SLC10A7: variants seen among roughly 807,000 people sequenced by gnomAD.
SLC10A7 encodes solute carrier family 10 member 7.
Under a neutral mutation model 43.2 loss-of-function variants are expected in SLC10A7, and 29 were observed. The ratio of observed to expected loss-of-function variants is 0.67; its 90% CI spans 0.50 to 0.92. The LOEUF is 0.92. Ranked by LOEUF, SLC10A7 falls within the 40% of genes least tolerant of loss-of-function variation. The pLI is 0.00. For synonymous variants in SLC10A7, 152 were observed against 144.8 expected (o/e 1.05, Z -0.35); for missense variants, 295 against 403.2 (o/e 0.73, Z 2.30).
At chr4:146,414,487 G>A (rs1251844199) in intron 5 of SLC10A7, among the ~76,000 whole-genome samples, 1 of 152,150 alleles carries the variant, frequency 6.6e-6, no homozygotes, top group Non-Finnish European at 1.5e-5. Context: ...ACTTTGGGAA[G>A]CTGAGGTGAG....
chr4:146,425,874 A>G (rs1042275343), intron 5 of SLC10A7, among the ~76,000 whole-genome samples: 2 of 152,196 alleles, frequency 1.3e-5, no homozygotes, highest in Admixed American at 1.3e-4. Flanking sequence ...CAATAGCCTG[A>G]TAGAATCACA....
At chr4:146,293,875 G>C in intron 8 of SLC10A7, 55 bp downstream of exon 8, 1 of 1,277,510 alleles carries the variant, frequency 7.8e-7, no homozygotes, top group Non-Finnish European at 1.1e-6. Context: ...ACAGTGCTAC[G>C]CGTTGCTATT....
chr4:146,405,648 A>C (rs570661687), intron 5 of SLC10A7, among the ~76,000 whole-genome samples: 8 of 152,188 alleles, frequency 5.3e-5, no homozygotes, highest in Admixed American at 5.2e-4. Flanking sequence ...TTTTTTATCT[A>C]TCTATCTGCC....
At chr4:146,304,146 A>G (rs2149678940) in intron 7 of SLC10A7, among the ~76,000 whole-genome samples, 1 of 24,416 alleles carries the variant, frequency 4.1e-5, no homozygotes, top group South Asian at 1.2e-3. Flanking sequence ...TTAAAATAGA[A>G]TTCCTATCAG....
intron 9 of SLC10A7, among the ~76,000 whole-genome samples, chr4:146,288,659 G>C (rs754398712): frequency 1.3e-5 from 2 of 152,172 alleles, no homozygotes; most frequent in Non-Finnish European, 2.9e-5. Context: ...GAAAAATCAA[G>C]TGTCCTGTAC....
intron 5 of SLC10A7, among the ~76,000 whole-genome samples, chr4:146,407,022 T>C (rs1727763073): frequency 6.6e-6 from 1 of 152,060 alleles, no homozygotes; most frequent in African/African-American, 2.4e-5. Flanking sequence ...AAAAAGTGTT[T>C]ACTGTGTGAT....
intron 4 of SLC10A7, among the ~76,000 whole-genome samples, chr4:146,474,947 C>G (rs1181735611): frequency 6.6e-6 from 1 of 152,090 alleles, no homozygotes; most frequent in African/African-American, 2.4e-5. Flanking sequence ...CATTCCCTTC[C>G]CTCCAGAGAA....
chr4:146,354,272 T>C (rs942613030), intron 5 of SLC10A7, among the ~76,000 whole-genome samples: 103 of 151,376 alleles, frequency 6.8e-4, no homozygotes, highest in Non-Finnish European at 1.3e-3. Context: ...AAATCATGAG[T>C]GAACTCCCAT....
At chr4:146,436,668 T>A (rs1390258197) in intron 5 of SLC10A7, among the ~76,000 whole-genome samples, 2 of 152,126 alleles carry the variant, frequency 1.3e-5, no homozygotes, top group Non-Finnish European at 2.9e-5. Flanking sequence ...TAATGCAACT[T>A]ACTGTCTTTT....
chr4:146,287,126 C>A (rs1381597609), intron 9 of SLC10A7, among the ~76,000 whole-genome samples: 1 of 150,132 alleles, frequency 6.7e-6, no homozygotes, highest in Non-Finnish European at 1.5e-5. Flanking sequence ...GTGAGAAGGA[C>A]CGTGTCTGGA....
chr4:146,260,870 T>C (rs1242310128), intron 10 of SLC10A7, among the ~76,000 whole-genome samples: 1 of 152,124 alleles, frequency 6.6e-6, no homozygotes, highest in Admixed American at 6.5e-5. Flanking sequence ...CCAGGGGCAG[T>C]ATGGTGTCAA....
chr4:146,341,577 G>C (rs1353453544), intron 5 of SLC10A7, among the ~76,000 whole-genome samples: 1 of 151,718 alleles, frequency 6.6e-6, no homozygotes, highest in Non-Finnish European at 1.5e-5. Context: ...ATTCTATATA[G>C]TAGTTGGACA....
chr4:146,261,288 C>T (rs571965811), intron 10 of SLC10A7, among the ~76,000 whole-genome samples: 2 of 152,298 alleles, frequency 1.3e-5, no homozygotes, highest in East Asian at 3.9e-4. Flanking sequence ...TACTTGGCTC[C>T]AGCCTATAAC....
intron 9 of SLC10A7, 63 bp downstream of exon 9, chr4:146,292,866 G>A: frequency 8.5e-7 from 1 of 1,181,300 alleles, no homozygotes; most frequent in Non-Finnish European, 1.2e-6. Context: ...TGGCATAGTA[G>A]CCAAGTAGAC....
At chr4:146,388,751 T>C (rs1738191371) in intron 5 of SLC10A7, among the ~76,000 whole-genome samples, 1 of 135,448 alleles carries the variant, frequency 7.4e-6, no homozygotes, top group Non-Finnish European at 1.6e-5. Flanking sequence ...AGTGTGAGAC[T>C]CTGTCAAAAA....
chr4:146,388,752 C>T (rs112563543), intron 5 of SLC10A7, among the ~76,000 whole-genome samples: 1,771 of 133,906 alleles, frequency 0.013, 33 homozygotes, highest in African/African-American at 0.046. Context: ...GTGTGAGACT[C>T]TGTCAAAAAA....
intron 4 of SLC10A7, among the ~76,000 whole-genome samples, chr4:146,464,117 G>A (rs1466367285): frequency 6.6e-6 from 1 of 151,266 alleles, no homozygotes; most frequent in Non-Finnish European, 1.5e-5. Flanking sequence ...GAGTCACCAC[G>A]CCTGGCCCCA....
intron 5 of SLC10A7, among the ~76,000 whole-genome samples, chr4:146,356,654 CT>C (rs1440256805): frequency 4.8e-5 from 7 of 144,662 alleles, no homozygotes; most frequent in African/African-American, 1.9e-4. Flanking sequence ...GTTCACACCA[CT>C]TGATATTATA....
At chr4:146,359,912 G>A (rs945595941) in intron 5 of SLC10A7, among the ~76,000 whole-genome samples, 1 of 151,890 alleles carries the variant, frequency 6.6e-6, no homozygotes, top group African/African-American at 2.4e-5. Flanking sequence ...AAAGATGCTG[G>A]TCAGAAAGTT....
Sources: allele counts gnomAD v4.1 joint callset (sites outside exome capture counted in the v4.1 genomes callset), GRCh38; gene constraint gnomAD v4.1.1; transcripts MANE v1.5; gene names NCBI Gene and HGNC (gene_info 2026-07-23, HGNC 2026-07-21).